WDR86: variants seen among roughly 807,000 people sequenced by gnomAD.
WDR86 encodes WD repeat-containing protein 86.
A neutral mutation model predicts 36.5 loss-of-function variants in WDR86; 30 were observed. That is an observed-to-expected ratio of 0.82 (90% confidence interval 0.61 to 1.11). The LOEUF is 1.11. Ranked by LOEUF, WDR86 falls within the 50% of genes most tolerant of loss-of-function variation. The pLI is 0.00. For missense variants in WDR86, 545 were observed against 561.2 expected (o/e 0.97, Z 0.29); for synonymous variants, 255 against 252.9 (o/e 1.01, Z -0.08).
chr7:151,394,925 G>C (rs987514603), intron 3 of WDR86, among the ~76,000 whole-genome samples: 3 of 152,212 alleles, frequency 2.0e-5, no homozygotes, highest in Admixed American at 2.0e-4. Flanking sequence ...AGGCGTTTTC[G>C]TGCCAAGCTT....
chr7:151,385,315 G>A (rs770587586), intron 3 of WDR86, 92 bp from the exon 4 acceptor site: 1 of 1,557,538 alleles, frequency 6.4e-7, no homozygotes, highest in African/African-American at 1.3e-5. Context: ...GCATGTGCAG[G>A]TCTCAGTGGT....
Position 151,395,662 on chromosome 7 carries a change from C to A in WDR86, c.726+114G>T. The stretch of plus-strand genomic sequence containing the variant: ...AGGCCTCCGTGGCGCTTGCCAGGCC[C>A]CCATCTGCAGCGCTTTGTTATGCAG... On this transcript the variant is annotated intron_variant, in intron 3 of 5. Transcript: ENST00000334493. 7.7e-6 allele frequency: 10 copies of A among 1,297,528 alleles called. No homozygotes were observed. The South Asian group carries it at 1.5e-4, about 20-fold the overall frequency. 80.4% of individuals were successfully genotyped at this position (1,297,528 alleles called of 1,614,324 possible).
At chr7:151,392,891 G>A (rs948346761) in intron 3 of WDR86, among the ~76,000 whole-genome samples, 5 of 152,064 alleles carry the variant, frequency 3.3e-5, no homozygotes, top group East Asian at 1.9e-4. Context: ...AGCCCTGCCC[G>A]TCTCCAGAGC....
downstream of WDR86, among the ~76,000 whole-genome samples, chr7:151,379,572 G>A (rs1798459470): frequency 6.6e-6 from 1 of 152,184 alleles, no homozygotes; most frequent in Admixed American, 6.5e-5. Flanking sequence ...TGTCTCTCAG[G>A]CTGTCAGAAA....
rs891598389 is a variant in WDR86, at chr7:151,409,320, G to A, written c.163+107C>T. On this transcript the variant is annotated intron_variant, in intron 1 of 5. Transcript: ENST00000334493. This position sits in a 1 kb window ranked among gnomAD's most constrained non-coding sequence, Gnocchi z 5.2. ...CTTCCGCTAGTGTGCCGGGATGAGC[G>A]GGGGCTGGACTTCTAGAAAGGGGTC... 2.7e-6 allele frequency: 4 copies of A among 1,483,132 alleles called. No individual in the cohort carries two copies. Among genetic ancestry groups the A allele is most frequent in the African/African-American group, 1.4e-5 (1 of 71,754 alleles). The allele number at this position is 1,483,132 out of a possible 1,614,324, so 91.9% of individuals were successfully genotyped here. A position where few individuals can be genotyped will look rare whatever the true frequency, so the allele number is the denominator to read the frequency against.
At chr7:151,371,524 G>C (rs766403674), downstream of WDR86, among the ~76,000 whole-genome samples, 3 of 152,170 alleles carry the variant, frequency 2.0e-5, no homozygotes, top group Non-Finnish European at 2.9e-5. Context: ...TGTGGCAAGA[G>C]ATAGAGGGTT....
chr7:151,394,071 C>T (rs947018552), intron 3 of WDR86, among the ~76,000 whole-genome samples: 3 of 152,180 alleles, frequency 2.0e-5, no homozygotes, highest in Admixed American at 6.5e-5. Context: ...CCAAGGGAAA[C>T]CTGTGCGGAC....
rs1800729120 is a variant in WDR86, at chr7:151,406,688, C to T, written c.163+2739G>A. ...CTGGACAAGTCCTGCCACCGCACCA[C>T]GCCTCGAGGGATGTTGGCGACAGCA... On this transcript the variant is annotated intron_variant, in intron 1 of 5. Coordinates refer to ENST00000334493, the MANE Select transcript of WDR86 (RefSeq NM_198285.3). This position sits in a 1 kb window ranked among gnomAD's most constrained non-coding sequence, Gnocchi z 4.4. Among the ~76,000 whole-genome samples the T allele has an allele frequency of 2.0e-5, 3 of 152,156 alleles. No homozygotes were observed. Among genetic ancestry groups the T allele is most frequent in the South Asian group, 2.1e-4 (1 of 4,826 alleles).
intron 3 of WDR86, 122 bp from the exon 4 acceptor site, chr7:151,385,345 G>C (rs765353860): frequency 6.8e-7 from 1 of 1,478,112 alleles, no homozygotes; most frequent in Non-Finnish European, 9.0e-7. Context: ...GGTGAGCCTC[G>C]AATGGCCCCG....
chr7:151,397,847 G>A (rs1450469145), intron 2 of WDR86, among the ~76,000 whole-genome samples: 3 of 145,832 alleles, frequency 2.1e-5, no homozygotes, highest in Non-Finnish European at 4.5e-5. Context: ...GGGCATAGCG[G>A]GAGGAAGGGT....
intron 3 of WDR86, among the ~76,000 whole-genome samples, chr7:151,392,903 C>T (rs750690759): frequency 1.3e-5 from 2 of 152,150 alleles, no homozygotes; most frequent in East Asian, 3.9e-4. Flanking sequence ...CTCCAGAGCC[C>T]CCCATTCTTC....
At chr7:151,399,496 C>G (rs1359357662) in intron 2 of WDR86, among the ~76,000 whole-genome samples, 1 of 152,228 alleles carries the variant, frequency 6.6e-6, no homozygotes, top group Admixed American at 6.5e-5. Flanking sequence ...GGAGGCCTCC[C>G]TCGGGAGTCC....
chr7:151,374,102 G>A, downstream of WDR86: 1 of 1,557,828 alleles, frequency 6.4e-7, no homozygotes, highest in Non-Finnish European at 8.7e-7. Flanking sequence ...TAAAGGAACT[G>A]GCCCAAATAA....
intron 2 of WDR86, among the ~76,000 whole-genome samples, chr7:151,398,165 T>C (rs964347351): frequency 6.6e-6 from 1 of 152,106 alleles, no homozygotes; most frequent in African/African-American, 2.4e-5. Flanking sequence ...GCACAATGTG[T>C]GCCTGCATGT....
At chr7:151,376,294 G>T (rs1159308583), downstream of WDR86, 2 of 473,570 alleles carry the variant, frequency 4.2e-6, no homozygotes, top group Non-Finnish European at 7.7e-6. Flanking sequence ...TGACGGCTCT[G>T]TCCACATTTG....
chr7:151,381,410 C>T lies in WDR86; in HGVS notation c.*172G>A, dbSNP rs1422011036. The stretch of plus-strand genomic sequence containing the variant: ...AGGGCGAGCACTCCCGCTCCCAGCG[C>T]CTCCTGGCCACCAAAGAAAAACCAG... On this transcript the variant is annotated 3_prime_UTR_variant, in exon 6 of 6. Transcript: ENST00000334493. The surrounding 1 kb of genome is among the most constrained non-coding windows in gnomAD (Gnocchi z 4.8). 97 of 1,484,176 alleles carry T rather than the reference C, an allele frequency of 6.5e-5. No individual in the cohort carries two copies. Among genetic ancestry groups the T allele is most frequent in the Non-Finnish European group, 7.6e-5 (85 of 1,125,326 alleles). 91.9% of individuals were successfully genotyped at this position (1,484,176 alleles called of 1,614,324 possible).
chr7:151,384,835 C>T, intron 4 of WDR86, among the ~76,000 whole-genome samples: 1 of 152,186 alleles, frequency 6.6e-6, no homozygotes. Context: ...TGCTTTTGAC[C>T]CTAGACCCTC....
In WDR86 at chr7:151,405,828, C is replaced by A. The variant is rs1453613015; in HGVS notation, c.163+3599G>T. Among the ~76,000 whole-genome samples the A allele has an allele frequency of 1.3e-5, 2 of 152,162 alleles. No individual in the cohort carries two copies. The highest frequency in any genetic ancestry group is 3.8e-4 in the East Asian group (2 of 5,196). On this transcript the variant is annotated intron_variant, in intron 1 of 5. Coordinates refer to ENST00000334493, the MANE Select transcript of WDR86 (RefSeq NM_198285.3). The surrounding 1 kb of genome is among the most constrained non-coding windows in gnomAD (Gnocchi z 4.7). Reference sequence around the variant, plus strand: ...AGCAAATGGGAATGTGGGGTTGTACCCAGGAAATTAACAACAATCCCCGCC... The same window carrying A: ...AGCAAATGGGAATGTGGGGTTGTACACAGGAAATTAACAACAATCCCCGCC...
chr7:151,403,478 T>A (rs896614775), intron 1 of WDR86, among the ~76,000 whole-genome samples: 1 of 152,220 alleles, frequency 6.6e-6, no homozygotes, highest in Non-Finnish European at 1.5e-5. Flanking sequence ...TTCAAGCCAA[T>A]TCACATCCAC....
Sources: allele counts gnomAD v4.1 joint callset (sites outside exome capture counted in the v4.1 genomes callset), GRCh38; gene constraint gnomAD v4.1.1; non-coding constraint Gnocchi (gnomAD v3.1); transcripts MANE v1.5; gene names NCBI Gene and HGNC (gene_info 2026-07-23, HGNC 2026-07-21).